UBR1: variants seen among roughly 807,000 people sequenced by gnomAD.
UBR1 encodes ubiquitin protein ligase E3 component n-recognin 1.
A neutral mutation model predicts 242.1 loss-of-function variants in UBR1; 102 were observed. The ratio of observed to expected loss-of-function variants is 0.42; its 90% CI spans 0.36 to 0.50. The LOEUF (loss-of-function observed/expected upper bound fraction) is 0.50. UBR1 is among the 20% of genes least tolerant of loss of function. UBR1 has a pLI of 0.01. For synonymous variants in UBR1, 675 were observed against 684.8 expected (o/e 0.99, Z 0.22); for missense variants, 1,772 against 2,101.8 (o/e 0.84, Z 3.07).
rs201889471 is a variant in UBR1 at position 43,015,672 on chromosome 15, G to A, written c.3209+16C>T. Reference sequence around the variant, plus strand: ...AAAAAAATTGAGTTGGTAATTTTTGGTTTGCTTTATTTTACCTCTCTTCCT... The same window carrying A: ...AAAAAAATTGAGTTGGTAATTTTTGATTTGCTTTATTTTACCTCTCTTCCT... On this transcript the variant is annotated intron_variant, in intron 29 of 46. Transcript: ENST00000290650. The A allele has an allele frequency of 1.2e-5, 20 of 1,612,210 alleles. No homozygotes were observed. Among genetic ancestry groups the A allele is most frequent in the Non-Finnish European group, 1.7e-5 (20 of 1,179,780 alleles).
intron 22 of UBR1, among the ~76,000 whole-genome samples, chr15:43,027,176 A>G (rs1171205542): frequency 6.6e-6 from 1 of 152,134 alleles, no homozygotes; most frequent in Non-Finnish European, 1.5e-5. Context: ...AACATTAAAC[A>G]GCTTTTGGTT....
chr15:42,986,990 C>A (rs2032472216), intron 35 of UBR1, among the ~76,000 whole-genome samples: 2 of 152,222 alleles, frequency 1.3e-5, no homozygotes, highest in Non-Finnish European at 2.9e-5. Flanking sequence ...CCACTGACCC[C>A]CTGGGTATCC....
At chr15:42,953,945 C>T (rs1426994493) in intron 44 of UBR1, among the ~76,000 whole-genome samples, 2 of 150,064 alleles carry the variant, frequency 1.3e-5, no homozygotes, top group Non-Finnish European at 3.0e-5. Context: ...TCCAGTGTCA[C>T]AGTCACGGCT....
chr15:43,047,185 C>T lies in UBR1; in HGVS notation c.1644G>A (p.Met548Ile), dbSNP rs1316232668. 5 of 1,614,170 alleles carry T rather than the reference C, an allele frequency of 3.1e-6. No individual in the cohort carries two copies. Among genetic ancestry groups the T allele is most frequent in the Non-Finnish European group, 3.4e-6 (4 of 1,180,014 alleles). Residue 548 changes from methionine to isoleucine, a missense_variant, in exon 14 of 47, where the codon ATG (methionine) becomes ATA (isoleucine). Physicochemically the swap from Met to Ile is conservative, Grantham distance 10 (BLOSUM62 1). Coordinates refer to ENST00000290650, the MANE Select transcript of UBR1 (RefSeq NM_174916.3). ...CATCACAAGCACACCACTCTTGGAA[C>T]ATGAGTAAAATATTCTTCAATTGCA... is the stretch of plus-strand genomic sequence containing the variant. ...IQMQLKNILL[M>I]FQEWCACDEE...
At position 42,960,652 on chromosome 15, in the gene UBR1, C is replaced by T. The variant is rs147296247; in HGVS notation, c.4750G>A (p.Val1584Met). Residue 1584 changes from valine to methionine, a missense_variant, in exon 43 of 47, where the codon GTG (valine) becomes ATG (methionine). By Grantham distance (21) the Val-to-Met change is conservative. Coordinates refer to ENST00000290650, the MANE Select transcript of UBR1 (RefSeq NM_174916.3). ...TTAAGTAGTAAAACCAACCTGACCA[C>T]GGTGTTTTTTTGCTTCAAACAGTTT... ...LLNCLKQKNT[V>M]VRYPRKRNSL... The T allele has an allele frequency of 4.7e-5, 76 of 1,614,002 alleles. No homozygotes were observed. In the East Asian group the frequency reaches 8.2e-4, roughly 18 times the overall value.
intron 33 of UBR1, among the ~76,000 whole-genome samples, chr15:42,992,703 T>C (rs1171031969): frequency 1.3e-5 from 2 of 152,196 alleles, no homozygotes; most frequent in African/African-American, 2.4e-5. Flanking sequence ...TCTATAGTTC[T>C]CTCCTCTTGG....
chr15:43,101,683 C>T (rs10851413), intron 1 of UBR1, among the ~76,000 whole-genome samples: 147,113 of 152,010 alleles, frequency 0.97, 71,363 homozygotes, highest in East Asian at 1. Context: ...TACAAAAAAA[C>T]TGGCTGGGCA....
intron 29 of UBR1, among the ~76,000 whole-genome samples, chr15:43,013,166 A>T (rs555910092): frequency 2.0e-5 from 3 of 152,246 alleles, no homozygotes; most frequent in African/African-American, 7.2e-5. Flanking sequence ...CGGCCTCCCA[A>T]AGTGCTGGGA....
intron 28 of UBR1, among the ~76,000 whole-genome samples, chr15:43,016,666 T>C (rs2033028356): frequency 1.3e-5 from 2 of 152,200 alleles, no homozygotes; most frequent in African/African-American, 2.4e-5. Flanking sequence ...AACCTCCGCC[T>C]CCTGGGTTCA....
rs1463792382 is a variant in UBR1, at chr15:42,943,080, A to C, written c.*2249T>G. ...CAGTCACTAAATATAGATCATCATC[A>C]CAGTGAACCAAAATGCATAGTTGTT... On this transcript the variant is annotated 3_prime_UTR_variant, in exon 47 of 47. Coordinates refer to ENST00000290650, the MANE Select transcript of UBR1 (RefSeq NM_174916.3). The C allele has an allele frequency of 6.6e-6, 1 of 152,654 alleles. No homozygotes were observed. The highest frequency in any genetic ancestry group is 1.9e-4 in the East Asian group (1 of 5,206). 9.5% of individuals were successfully genotyped at this position (152,654 alleles called of 1,614,324 possible).
At chr15:43,040,226 A>G (rs2033397969) in intron 15 of UBR1, among the ~76,000 whole-genome samples, 1 of 152,242 alleles carries the variant, frequency 6.6e-6, no homozygotes, top group Admixed American at 6.5e-5. Flanking sequence ...AACCAAAAAC[A>G]GCATGGTACT....
At chr15:43,075,872 G>C (rs932814281) in intron 3 of UBR1, among the ~76,000 whole-genome samples, 1 of 151,838 alleles carries the variant, frequency 6.6e-6, no homozygotes, top group African/African-American at 2.4e-5. Flanking sequence ...GCCTCAGCCT[G>C]CCAAAGTGCT....
intron 1 of UBR1, among the ~76,000 whole-genome samples, chr15:43,105,397 C>A (rs540852256): frequency 1.2e-4 from 19 of 152,290 alleles, no homozygotes; most frequent in African/African-American, 4.3e-4. Context: ...CCTTTCTTCA[C>A]CTTTAAAAAG....
At position 43,043,305 on chromosome 15, in the gene UBR1, G is replaced by C; in HGVS notation, c.1759C>G (p.Gln587Glu). 2 of 1,613,918 alleles carry C rather than the reference G, an allele frequency of 1.2e-6. No individual in the cohort carries two copies. The highest frequency in any genetic ancestry group is 1.7e-6 in the Non-Finnish European group (2 of 1,179,948). ...SFISSSKTVV[Q>E]SCGHSLETKS... ...GTTTCCAAACTATGTCCACACGATT[G>C]TACTACTGTCTTGCTACTAGATATG... Residue 587 changes from glutamine to glutamate, a missense_variant, in exon 15 of 47, where the codon CAA (glutamine) becomes GAA (glutamate). Around this residue, in one of 3 missense-constraint regions of UBR1, gnomAD observed 734 missense variants for 893.3 expected, o/e 0.82. Transcript: ENST00000290650.
At chr15:42,950,769 C>T (rs78342192) in intron 45 of UBR1, among the ~76,000 whole-genome samples, 26 of 152,282 alleles carry the variant, frequency 1.7e-4, no homozygotes, top group Non-Finnish European at 3.2e-4. Context: ...AACCTCAAGC[C>T]AGACAGAATA....
chr15:42,989,109 C>T, intron 34 of UBR1, 142 bp from the exon 35 acceptor site: 1 of 711,590 alleles, frequency 1.4e-6, no homozygotes, highest in Admixed American at 2.8e-5. Context: ...GAGATTAGAG[C>T]CTCCAAAGAT....
intron 30 of UBR1, among the ~76,000 whole-genome samples, chr15:43,004,498 C>A (rs900871593): frequency 3.9e-5 from 6 of 152,200 alleles, no homozygotes; most frequent in African/African-American, 1.4e-4. Context: ...CCTGCCTCAG[C>A]CTGCAGAGTG....
chr15:43,038,351 G>C, intron 15 of UBR1, 119 bp from the exon 16 acceptor site: 1 of 923,712 alleles, frequency 1.1e-6, no homozygotes, highest in Non-Finnish European at 1.7e-6. Context: ...GCTCATGCCT[G>C]TAATCTCAGC....
At chr15:43,068,997 A>C (rs1000936764) in intron 5 of UBR1, among the ~76,000 whole-genome samples, 8 of 152,214 alleles carry the variant, frequency 5.3e-5, no homozygotes, top group African/African-American at 1.7e-4. Flanking sequence ...TTTTATTAAC[A>C]ATTAGTTGTT....
Sources: allele counts gnomAD v4.1 joint callset (sites outside exome capture counted in the v4.1 genomes callset), GRCh38; gene constraint gnomAD v4.1.1; regional missense constraint gnomAD v4.1.1; transcripts MANE v1.5; gene names NCBI Gene and HGNC (gene_info 2026-07-23, HGNC 2026-07-21).